The following FRAS1 variants were observed in gnomAD, a reference collection of about 807,000 sequenced individuals.
The protein encoded by FRAS1 is extracellular matrix organizing protein FRAS1.
A neutral mutation model predicts 435.2 loss-of-function variants in FRAS1; 290 were observed. That is an observed-to-expected ratio of 0.67 (90% confidence interval 0.61 to 0.73). FRAS1 has a LOEUF of 0.73. FRAS1 is among the 30% of genes least tolerant of loss of function. The pLI is 0.00. For synonymous variants in FRAS1, 1,800 were observed against 1,851.0 expected, an observed-to-expected ratio of 0.97 and a Z score of 0.71; for missense variants, 4,860 against 5,001.5, an observed-to-expected ratio of 0.97 and a Z score of 0.85.
Position 78,479,442 on chromosome 4 carries a change from T to C in FRAS1, c.8167T>C (p.Tyr2723His). The C allele has an allele frequency of 1.3e-6, 2 of 1,596,156 alleles. No homozygotes were observed. The highest frequency in any genetic ancestry group is 1.7e-6 in the Non-Finnish European group (2 of 1,168,812). ...VPKSAMGSSL[Y>H]ALESGSDFKS... is the part of the protein sequence containing the mutation. ...TAAGTCAGCTATGGGAAGTAGCCTC[T>C]ATGCTCTAGAATCAGGCTCTGATTT... The change falls in exon 56 of 74, where the codon TAT becomes CAT. Residue 2723 changes from tyrosine to histidine, a missense_variant. Coordinates refer to ENST00000512123, the MANE Select transcript of FRAS1 (RefSeq NM_025074.7).
intron 2 of FRAS1, among the ~76,000 whole-genome samples, chr4:78,187,804 C>CGTGTTAGCCAGGATGGTCTTG (rs1722336494): frequency 6.6e-6 from 1 of 152,044 alleles, no homozygotes; most frequent in Non-Finnish European, 1.5e-5. Flanking sequence ...AGAGTTTCAC[C>CGTGTTAGCCAGGATGGTCTTG]GTGTTAGCCA....
In FRAS1 at chr4:78,542,933, G is replaced by A. The variant is rs529155314; in HGVS notation, c.*1809G>A. The A allele has an allele frequency of 1.3e-5, 2 of 152,332 alleles. No homozygotes were observed. The highest frequency in any genetic ancestry group is 4.1e-4 in the South Asian group (2 of 4,828). 9.4% of individuals were successfully genotyped at this position (152,332 alleles called of 1,614,324 possible). On this transcript the variant is annotated 3_prime_UTR_variant, in exon 74 of 74. Coordinates refer to ENST00000512123, the MANE Select transcript of FRAS1 (RefSeq NM_025074.7). ...ACCGCTTTACAAAGGCATGACTCTG[G>A]CGGTGGTCCTAAGGAAGCATGAGCA...
chr4:78,430,358 C>A lies in FRAS1; in HGVS notation c.4910C>A (p.Pro1637His). The change falls in exon 37 of 74, where the codon CCT becomes CAT. Residue 1637 changes from proline (P) to histidine (H), a missense_variant. Coordinates refer to ENST00000512123, the MANE Select transcript of FRAS1 (RefSeq NM_025074.7). ...PKELFFELRR[P>H]PQHGVLLKHT... ...GAACTCTTCTTTGAGCTTCGGAGAC[C>A]TCCACAGCATGGTGTGCTTCTTAAG... 6.2e-7 allele frequency: 1 copy of A among 1,613,882 alleles called. No homozygotes were observed. The highest frequency in any genetic ancestry group is 8.5e-7 in the Non-Finnish European group (1 of 1,179,870).
chr4:78,255,502 C>A, intron 6 of FRAS1, 127 bp downstream of exon 6: 1 of 1,014,604 alleles, frequency 9.9e-7, no homozygotes, highest in Non-Finnish European at 1.4e-6. Flanking sequence ...TTGTTTTCCT[C>A]ATACTTTTGG....
chr4:78,423,994 GTAAA>G (rs1299329516), intron 34 of FRAS1, among the ~76,000 whole-genome samples: 21 of 152,286 alleles, frequency 1.4e-4, no homozygotes, highest in Middle Eastern at 3.4e-3. Flanking sequence ...GTTACAGTGT[GTAAA>G]TCAATGTCTC....
intron 2 of FRAS1, among the ~76,000 whole-genome samples, chr4:78,162,274 G>C (rs935772825): frequency 6.6e-6 from 1 of 152,112 alleles, no homozygotes; most frequent in Non-Finnish European, 1.5e-5. Context: ...GTATACGTGG[G>C]ATATAGCACT....
At position 78,432,560 on chromosome 4, in the gene FRAS1, A is replaced by C; in HGVS notation, c.5173A>C (p.Ser1725Arg). 1 of 1,610,624 alleles carries C rather than the reference A, an allele frequency of 6.2e-7. No individual in the cohort carries two copies. The highest frequency in any genetic ancestry group is 8.5e-7 in the Non-Finnish European group (1 of 1,178,126). ...AGSSLSITVA[S>R]KSTAIITRSH... The stretch of plus-strand genomic sequence containing the variant: ...CTCCTCTCTGAGCATTACTGTTGCC[A>C]GTAAAAGCACAGCCATAATCACTAG... The change falls in exon 38 of 74, where the codon AGT (serine) becomes CGT (arginine). Residue 1725 changes from serine (S) to arginine (R), a missense_variant. Physicochemically the swap from Ser to Arg is moderately radical, Grantham distance 110. Coordinates refer to ENST00000512123, the MANE Select transcript of FRAS1 (RefSeq NM_025074.7).
intron 10 of FRAS1, 53 bp downstream of exon 10, chr4:78,278,797 C>T: frequency 4.8e-6 from 5 of 1,033,502 alleles, no homozygotes; most frequent in Non-Finnish European, 7.5e-6. Flanking sequence ...CAAAATTAAT[C>T]TAATGAGGGA....
intron 9 of FRAS1, among the ~76,000 whole-genome samples, chr4:78,268,936 GT>G (rs1205011100): frequency 7.2e-5 from 11 of 152,330 alleles, no homozygotes; most frequent in Admixed American, 6.5e-5. Context: ...GAATTGAGGA[GT>G]TCTGATGCCT....
intron 22 of FRAS1, among the ~76,000 whole-genome samples, 164 bp from the exon 23 acceptor site, chr4:78,369,674 A>G (rs1731421230): frequency 6.6e-6 from 1 of 152,046 alleles, no homozygotes; most frequent in Admixed American, 6.5e-5. Flanking sequence ...GGAAACTAAT[A>G]TTTTCTGTTT....
chr4:78,123,048 G>T (rs894713608), intron 2 of FRAS1, among the ~76,000 whole-genome samples: 4 of 152,280 alleles, frequency 2.6e-5, no homozygotes, highest in Admixed American at 6.5e-5. Context: ...TGAAGGCTTT[G>T]CCCATGCCTA....
intron 33 of FRAS1, 43 bp downstream of exon 33, chr4:78,419,106 T>C (rs754635857): frequency 9.7e-6 from 11 of 1,128,386 alleles, no homozygotes; most frequent in Non-Finnish European, 1.3e-5. Context: ...TATTATTATC[T>C]TCTAGTTTTT....
chr4:78,335,199 C>T (rs113217965), intron 19 of FRAS1, among the ~76,000 whole-genome samples: 106 of 152,280 alleles, frequency 7.0e-4, no homozygotes, highest in African/African-American at 2.5e-3. Flanking sequence ...AAATTTGTGG[C>T]TTAAGACAAC....
In FRAS1 at chr4:78,413,551, G is replaced by A. The variant is rs561164631; in HGVS notation, c.4425+466G>A. Among the ~76,000 whole-genome samples, 22 of 152,344 alleles carry A rather than the reference G, an allele frequency of 1.4e-4. No individual in the cohort carries two copies. The South Asian group carries it at 3.7e-3, about 26-fold the overall frequency. Reference sequence around the variant, plus strand: ...GCTGAATCCAGAAAGATAAATAGCAGTTATCCAAGTGAAAATCTGGGGACA... The same window carrying A: ...GCTGAATCCAGAAAGATAAATAGCAATTATCCAAGTGAAAATCTGGGGACA... On this transcript the variant is annotated intron_variant, in intron 32 of 73. Coordinates refer to ENST00000512123, the MANE Select transcript of FRAS1 (RefSeq NM_025074.7).
At chr4:78,446,254 C>A (rs1488769188) in intron 42 of FRAS1, 4 of 1,004,632 alleles carry the variant, frequency 4.0e-6, no homozygotes, top group East Asian at 2.2e-4. Flanking sequence ...ACCCTCTGCA[C>A]TCTTAAGGGT....
chr4:78,239,329 C>G (rs1724903480), intron 3 of FRAS1, among the ~76,000 whole-genome samples: 1 of 152,160 alleles, frequency 6.6e-6, no homozygotes, highest in South Asian at 2.1e-4. Context: ...TTAACAACCC[C>G]CTCCCAGCTC....
chr4:78,161,639 T>G lies in FRAS1; in HGVS notation c.109-75871T>G, dbSNP rs564395038. ...CAAAATCTTGGTGCAATATTGGGAG[T>G]GTGTTGGGCATGCCTGCATCTTCTG... On this transcript the variant is annotated intron_variant, in intron 2 of 73. Coordinates refer to ENST00000512123, the MANE Select transcript of FRAS1 (RefSeq NM_025074.7). 2.7e-5 allele frequency among the ~76,000 whole-genome samples: 4 copies of G among 147,736 alleles called. No homozygotes were observed. The East Asian group carries it at 5.9e-4, about 22-fold the overall frequency.
intron 2 of FRAS1, among the ~76,000 whole-genome samples, chr4:78,125,601 C>G (rs1000046967): frequency 6.6e-6 from 1 of 152,108 alleles, no homozygotes; most frequent in Non-Finnish European, 1.5e-5. Flanking sequence ...CTATACCTTT[C>G]TGTTTGTTAG....
chr4:78,413,075 T>G lies in FRAS1; in HGVS notation c.4415T>G (p.Leu1472Arg). 2 of 1,594,960 alleles carry G rather than the reference T, an allele frequency of 1.3e-6. No homozygotes were observed. Among genetic ancestry groups the G allele is most frequent in the Non-Finnish European group, 1.7e-6 (2 of 1,168,110 alleles). ...CCTAAAGTGTCTCTGGAAGCATCTC[T>G]CCATATGACTGTGAGTTGGGTGGGA... ...EAPKVSLEAS[L>R]HMTAREDGLT... is the part of the protein sequence containing the mutation. Residue 1472 changes from leucine to arginine, a missense_variant, in exon 32 of 74, where the codon CTC (leucine) becomes CGC (arginine). Transcript: ENST00000512123.
Sources: allele counts gnomAD v4.1 joint callset (sites outside exome capture counted in the v4.1 genomes callset), GRCh38; gene constraint gnomAD v4.1.1; transcripts MANE v1.5; gene names NCBI Gene and HGNC (gene_info 2026-07-23, HGNC 2026-07-21).